The following PRKN variants were observed in gnomAD, a reference collection of about 807,000 sequenced individuals.
PRKN encodes the protein E3 ubiquitin-protein ligase parkin.
A neutral mutation model predicts 59.5 loss-of-function variants in PRKN; 56 were observed. That is an observed-to-expected ratio of 0.94 (90% confidence interval 0.76 to 1.18). The LOEUF (loss-of-function observed/expected upper bound fraction) is 1.18. Ranked by LOEUF, PRKN falls within the 50% of genes most tolerant of loss-of-function variation. The pLI is 0.00. For synonymous variants in PRKN, 250 were observed against 222.1 expected (o/e 1.13, Z -1.12); for missense variants, 657 against 596.4 (o/e 1.10, Z -1.06).
At chr6:161,804,907 T>G (rs1238003829) in intron 6 of PRKN, among the ~76,000 whole-genome samples, 1 of 152,234 alleles carries the variant, frequency 6.6e-6, no homozygotes, top group African/African-American at 2.4e-5. Flanking sequence ...ATAGGTCTTC[T>G]TGAATTTCTA....
intron 1 of PRKN, among the ~76,000 whole-genome samples, chr6:162,443,871 G>A (rs1159092816): frequency 6.6e-6 from 1 of 151,612 alleles, no homozygotes; most frequent in Non-Finnish European, 1.5e-5. Context: ...ATAAAAATAG[G>A]AGGCGATGTG....
Position 161,353,481 on chromosome 6 carries a change from T to C in PRKN, c.1286-3270A>G, listed in dbSNP as rs532362760. 6.6e-6 allele frequency among the ~76,000 whole-genome samples: 1 copy of C among 152,232 alleles called. No homozygotes were observed. The highest frequency in any genetic ancestry group is 1.9e-4 in the East Asian group (1 of 5,174). The stretch of plus-strand genomic sequence containing the variant: ...TCGTGCCTATCCCAGGAAGTCTCCA[T>C]AGAGGGCCCCAGAGGACAGGGTTTG... On this transcript the variant is annotated intron_variant, in intron 11 of 11. Transcript: ENST00000366898. The surrounding 1 kb of genome is among the most constrained non-coding windows in gnomAD (Gnocchi z 4.8).
Position 162,492,197 on chromosome 6 carries a change from T to C in PRKN, c.8-48724A>G, listed in dbSNP as rs949217963. ...CCAGATGCCTAAATGACTAACATGATAAAAGATTGGCCTGTAAGGCCACAG... is the reference window on the plus strand; with the variant it reads ...CCAGATGCCTAAATGACTAACATGACAAAAGATTGGCCTGTAAGGCCACAG... On this transcript the variant is annotated intron_variant, in intron 1 of 11. Transcript: ENST00000366898. Among the ~76,000 whole-genome samples, 17 of 152,178 alleles carry C rather than the reference T, an allele frequency of 1.1e-4. 1 individual carries two copies. The highest frequency in any genetic ancestry group is 4.1e-4 in the African/African-American group (17 of 41,432).
At chr6:162,289,980 A>C (rs572733448) in intron 2 of PRKN, among the ~76,000 whole-genome samples, 1 of 152,254 alleles carries the variant, frequency 6.6e-6, no homozygotes, top group Admixed American at 6.5e-5. Flanking sequence ...TCCTTCTGAG[A>C]GTGGAAATGA....
intron 1 of PRKN, among the ~76,000 whole-genome samples, chr6:162,586,915 C>A (rs1019559093): frequency 7.2e-5 from 11 of 152,130 alleles, no homozygotes; most frequent in African/African-American, 2.7e-4. Flanking sequence ...CCGTGATAGG[C>A]ACTGTGGCAG....
chr6:161,366,254 G>A (rs1400391979), intron 10 of PRKN, among the ~76,000 whole-genome samples: 1 of 152,180 alleles, frequency 6.6e-6, no homozygotes, highest in Non-Finnish European at 1.5e-5. Context: ...TGAGGTTGAG[G>A]CTTCCTGGGC....
intron 5 of PRKN, among the ~76,000 whole-genome samples, chr6:161,978,025 T>A (rs933693101): frequency 1.5e-5 from 2 of 129,616 alleles, no homozygotes; most frequent in Non-Finnish European, 3.4e-5. Flanking sequence ...TGTATTTTAT[T>A]TTATTGTATT....
At chr6:161,706,453 C>T (rs1262903583) in intron 7 of PRKN, among the ~76,000 whole-genome samples, 1 of 152,236 alleles carries the variant, frequency 6.6e-6, no homozygotes, top group African/African-American at 2.4e-5. Flanking sequence ...AGCTTTGCTT[C>T]ACTGTCATTT....
At chr6:161,753,716 C>T (rs143947942) in intron 7 of PRKN, among the ~76,000 whole-genome samples, 87 of 152,214 alleles carry the variant, frequency 5.7e-4, no homozygotes, top group Admixed American at 5.0e-3. Flanking sequence ...CGGGGGGGCT[C>T]GGCTTGGAGC....
At chr6:161,828,233 A>G (rs1409890867) in intron 6 of PRKN, among the ~76,000 whole-genome samples, 1 of 152,234 alleles carries the variant, frequency 6.6e-6, no homozygotes, top group Non-Finnish European at 1.5e-5. Context: ...AATTTAGTCA[A>G]TTAAGCCAAA....
chr6:162,138,962 G>A (rs529264221), intron 4 of PRKN, among the ~76,000 whole-genome samples: 1 of 152,270 alleles, frequency 6.6e-6, no homozygotes, highest in African/African-American at 2.4e-5. Context: ...GGGAGATAAA[G>A]CAAAGCTTGA....
chr6:161,732,510 A>G (rs1236724116), intron 7 of PRKN, among the ~76,000 whole-genome samples: 1 of 148,768 alleles, frequency 6.7e-6, no homozygotes, highest in East Asian at 1.9e-4. Context: ...TGTGGAGATA[A>G]TTCACTTTTA....
intron 4 of PRKN, among the ~76,000 whole-genome samples, chr6:162,137,723 T>G (rs1167627738): frequency 6.6e-6 from 1 of 152,182 alleles, no homozygotes; most frequent in East Asian, 1.9e-4. Context: ...CCTTTCATAA[T>G]GGGTCCACTC....
chr6:162,016,658 T>C (rs900281103), intron 5 of PRKN, among the ~76,000 whole-genome samples: 1 of 152,112 alleles, frequency 6.6e-6, no homozygotes, highest in African/African-American at 2.4e-5. Context: ...TCCCCACTGG[T>C]CACTCAATAG....
intron 7 of PRKN, among the ~76,000 whole-genome samples, chr6:161,687,701 C>A (rs1785619208): frequency 6.6e-6 from 1 of 151,900 alleles, no homozygotes; most frequent in Admixed American, 6.6e-5. Flanking sequence ...GATGATCCGC[C>A]TGCCTCAGCC....
chr6:161,493,552 C>T (rs1029134552), intron 9 of PRKN, among the ~76,000 whole-genome samples: 3 of 152,200 alleles, frequency 2.0e-5, no homozygotes, highest in African/African-American at 7.2e-5. Flanking sequence ...GATGGACGAA[C>T]GGAAGGACTA....
At chr6:161,874,997 TAA>T (rs1491111143) in intron 6 of PRKN, among the ~76,000 whole-genome samples, 1 of 91,702 alleles carries the variant, frequency 1.1e-5, no homozygotes, top group East Asian at 3.3e-4. Flanking sequence ...ACTTTATATA[TAA>T]TATATTATAT....
At chr6:161,421,700 A>G (rs5881410) in intron 9 of PRKN, among the ~76,000 whole-genome samples, 75,304 of 151,636 alleles carry the variant, frequency 0.5, 19,885 homozygotes, top group East Asian at 0.84. Context: ...TTAGGGAAAA[A>G]TTAAGGATAG....
At chr6:162,470,442 A>G (rs371122635) in intron 1 of PRKN, among the ~76,000 whole-genome samples, 2 of 152,148 alleles carry the variant, frequency 1.3e-5, no homozygotes, top group East Asian at 3.9e-4. Context: ...CGCCTCCACT[A>G]CTAGTACAAC....
Sources: gnomAD v4.1 joint callset for allele counts (sites outside exome capture counted in the v4.1 genomes callset) on GRCh38, gnomAD v4.1.1 for gene constraint, Gnocchi (gnomAD v3.1) non-coding constraint, MANE v1.5 for transcripts, NCBI Gene and HGNC (gene_info 2026-07-23, HGNC 2026-07-21) for gene names.